NELL2: variants seen among roughly 807,000 people sequenced by gnomAD.
NELL2 encodes protein kinase C-binding protein NELL2.
In NELL2, 41 loss-of-function variants were observed where a neutral mutation model predicts 109.6. The ratio of observed to expected loss-of-function variants is 0.37; its 90% confidence interval spans 0.29 to 0.49. NELL2 has a LOEUF of 0.49. NELL2 is among the 20% of genes least tolerant of loss of function. The pLI is 0.98. For missense variants in NELL2, 900 were observed against 1,008.3 expected, an observed-to-expected ratio of 0.89 and a Z score of 1.45; for synonymous variants, 355 against 344.7, an observed-to-expected ratio of 1.03 and a Z score of -0.33.
At chr12:44,893,061 G>A (rs1416114646) in intron 1 of NELL2, among the ~76,000 whole-genome samples, 1 of 152,142 alleles carries the variant, frequency 6.6e-6, no homozygotes, top group East Asian at 1.9e-4. Context: ...TCCACAAACT[G>A]GGTGGCTTAA....
At chr12:44,756,445 G>A (rs1452593545) in intron 9 of NELL2, among the ~76,000 whole-genome samples, 2 of 151,806 alleles carry the variant, frequency 1.3e-5, no homozygotes, top group East Asian at 1.9e-4. Flanking sequence ...TGTGCATCCA[G>A]TAACTACCCC....
At chr12:44,627,241 A>G (rs1478270675) in intron 13 of NELL2, among the ~76,000 whole-genome samples, 1 of 152,204 alleles carries the variant, frequency 6.6e-6, no homozygotes, top group East Asian at 1.9e-4. Context: ...ATGTTTAAAA[A>G]TTAGAGCCCA....
chr12:44,555,917 A>G (rs922454185), intron 15 of NELL2, among the ~76,000 whole-genome samples: 5 of 152,212 alleles, frequency 3.3e-5, no homozygotes, highest in Non-Finnish European at 7.3e-5. Flanking sequence ...GATCTGGGAA[A>G]TAAAGCTATG....
In NELL2 at chr12:44,837,533, C is replaced by A. The variant is rs188831230; in HGVS notation, c.185-21397G>T. On this transcript the variant is annotated intron_variant, in intron 2 of 19. Transcript: ENST00000429094. Reference sequence around the variant, plus strand: ...CTCTTAACCTCTACACTACAATGGCCAGATGAGCGTATGACAGGTAGCACT... The same window carrying A: ...CTCTTAACCTCTACACTACAATGGCAAGATGAGCGTATGACAGGTAGCACT... 1.3e-3 allele frequency among the ~76,000 whole-genome samples: 196 copies of A among 152,268 alleles called. 1 individual carries two copies. Among genetic ancestry groups the A allele is most frequent in the African/African-American group, 4.5e-3 (189 of 41,548 alleles).
chr12:44,540,781 CAAAAA>C (rs57205620), intron 15 of NELL2, among the ~76,000 whole-genome samples: 6 of 49,748 alleles, frequency 1.2e-4, no homozygotes, highest in South Asian at 1.3e-3. Context: ...GTCTGCAAGC[CAAAAA>C]AAAAAAAAAA....
intron 15 of NELL2, among the ~76,000 whole-genome samples, chr12:44,553,286 G>GAAAA (rs59332982): frequency 1.9e-4 from 27 of 145,838 alleles, no homozygotes; most frequent in Admixed American, 4.1e-4. Flanking sequence ...AATAAAAAAA[G>GAAAA]AAAAAAAAAA....
chr12:44,740,299 G>A (rs1939882625), intron 9 of NELL2, among the ~76,000 whole-genome samples: 2 of 152,032 alleles, frequency 1.3e-5, no homozygotes, highest in African/African-American at 2.4e-5. Flanking sequence ...TATTACTCTG[G>A]GTGTACTTGT....
chr12:44,827,903 G>A (rs1943766711), intron 2 of NELL2, among the ~76,000 whole-genome samples: 1 of 152,092 alleles, frequency 6.6e-6, no homozygotes. Context: ...TCTCCATAGT[G>A]GATGTACTAA....
chr12:44,873,683 T>A (rs959740988), intron 2 of NELL2, among the ~76,000 whole-genome samples: 10 of 151,970 alleles, frequency 6.6e-5, no homozygotes, highest in African/African-American at 2.2e-4. Context: ...AATAACTTTG[T>A]TTCCAGTTCA....
At chr12:44,841,942 C>T (rs1478104564) in intron 2 of NELL2, among the ~76,000 whole-genome samples, 1 of 151,406 alleles carries the variant, frequency 6.6e-6, no homozygotes, top group African/African-American at 2.4e-5. Context: ...AAAATGGCTG[C>T]CTGACAGAAA....
chr12:44,611,809 G>T (rs925800863), intron 13 of NELL2, among the ~76,000 whole-genome samples: 3 of 151,928 alleles, frequency 2.0e-5, no homozygotes, highest in Non-Finnish European at 2.9e-5. Flanking sequence ...ATTCAGCAAA[G>T]ATGTAAATGT....
intron 7 of NELL2, among the ~76,000 whole-genome samples, chr12:44,776,702 G>C (rs1460183929): frequency 6.6e-6 from 1 of 152,128 alleles, no homozygotes; most frequent in Non-Finnish European, 1.5e-5. Flanking sequence ...TACAATTCTG[G>C]TGTCTATATT....
At position 44,682,168 on chromosome 12, in the gene NELL2, G is replaced by C. The variant is rs201780553; in HGVS notation, c.1319-16559C>G. 1.2e-3 allele frequency among the ~76,000 whole-genome samples: 184 copies of C among 150,042 alleles called. 3 individuals carry two copies. The East Asian group carries it at 0.026, about 21-fold the overall frequency. Reference sequence around the variant, plus strand: ...TTGATTTGCATTTCTCTGATGGCCAGAGATGGTGAGCATTTTTTCATGTGT... The same window carrying C: ...TTGATTTGCATTTCTCTGATGGCCACAGATGGTGAGCATTTTTTCATGTGT... On this transcript the variant is annotated intron_variant, in intron 12 of 19. Transcript: ENST00000429094.
intron 10 of NELL2, among the ~76,000 whole-genome samples, chr12:44,713,977 T>C (rs569956303): frequency 2.0e-5 from 3 of 152,082 alleles, no homozygotes; most frequent in Non-Finnish European, 4.4e-5. Context: ...ATTTTATATA[T>C]AGACAGTTTC....
intron 15 of NELL2, among the ~76,000 whole-genome samples, chr12:44,555,546 T>C (rs1292044303): frequency 6.6e-6 from 1 of 152,110 alleles, no homozygotes; most frequent in African/African-American, 2.4e-5. Context: ...CTGCTAGCAA[T>C]GGGATCAGCT....
chr12:44,791,065 G>GTATATATA (rs201689169), intron 3 of NELL2, among the ~76,000 whole-genome samples: 5,391 of 42,894 alleles, frequency 0.13, 514 homozygotes, highest in South Asian at 0.21. Flanking sequence ...GAAAGTTCAA[G>GTATATATA]TATATATATA....
At chr12:44,577,759 T>C (rs2136205750) in intron 15 of NELL2, among the ~76,000 whole-genome samples, 1 of 152,262 alleles carries the variant, frequency 6.6e-6, no homozygotes, top group African/African-American at 2.4e-5. Flanking sequence ...ATTACAGGCA[T>C]GAGTCACTGC....
chr12:44,676,637 A>C (rs2136360196), intron 12 of NELL2, among the ~76,000 whole-genome samples: 1 of 152,264 alleles, frequency 6.6e-6, no homozygotes, highest in African/African-American at 2.4e-5. Flanking sequence ...ACATTCCTCA[A>C]AAAGAGTGAA....
At chr12:44,578,221 T>G (rs1399555099) in intron 15 of NELL2, among the ~76,000 whole-genome samples, 2 of 152,168 alleles carry the variant, frequency 1.3e-5, no homozygotes, top group East Asian at 3.9e-4. Flanking sequence ...TTCAAGGAGC[T>G]ACACCTTTCC....
Sources: allele counts gnomAD v4.1 joint callset (sites outside exome capture counted in the v4.1 genomes callset), GRCh38; gene constraint gnomAD v4.1.1; transcripts MANE v1.5; gene names NCBI Gene and HGNC (gene_info 2026-07-23, HGNC 2026-07-21).